BRAF: variants seen among roughly 807,000 people sequenced by gnomAD.
The protein encoded by BRAF is serine/threonine-protein kinase B-raf.
Under a neutral mutation model 104.6 loss-of-function variants are expected in BRAF, and 16 were observed. The observed-to-expected ratio is 0.15, with a 90% CI of 0.10 to 0.23. The LOEUF (loss-of-function observed/expected upper bound fraction) is 0.23, where lower values mean the gene tolerates loss of function less well. BRAF is among the 10% of genes least tolerant of loss of function. The pLI, the probability that BRAF is intolerant of heterozygous loss-of-function variation, is 1.00. For missense variants in BRAF, 541 were observed against 937.3 expected, an observed-to-expected ratio of 0.58 and a Z score of 5.52; for synonymous variants, 310 against 341.6, an observed-to-expected ratio of 0.91 and a Z score of 1.02.
chr7:140,839,327 A>G (rs930668668), intron 2 of BRAF, among the ~76,000 whole-genome samples: 1 of 152,174 alleles, frequency 6.6e-6, no homozygotes, highest in African/African-American at 2.4e-5. Flanking sequence ...AAACAAAACA[A>G]AATGGGTCAC....
chr7:140,761,047 A>C (rs1449047497), intron 14 of BRAF, among the ~76,000 whole-genome samples: 1 of 152,204 alleles, frequency 6.6e-6, no homozygotes, highest in African/African-American at 2.4e-5. Flanking sequence ...AACGCCACAA[A>C]GATACTCCTT....
intron 14 of BRAF, among the ~76,000 whole-genome samples, chr7:140,765,817 T>C (rs1004101517): frequency 2.6e-5 from 4 of 151,730 alleles, no homozygotes; most frequent in African/African-American, 4.9e-5. Flanking sequence ...CTGGAGAGGA[T>C]ATGGAGAAAT....
At chr7:140,905,588 G>A (rs1816212019) in intron 1 of BRAF, among the ~76,000 whole-genome samples, 1 of 151,984 alleles carries the variant, frequency 6.6e-6, no homozygotes, top group Non-Finnish European at 1.5e-5. Context: ...ACAATCTTTG[G>A]CTTTTAACTG....
chr7:140,787,473 A>C lies in BRAF; in HGVS notation c.1177+75T>G. On this transcript the variant is annotated intron_variant, in intron 9 of 19. Coordinates refer to ENST00000644969, the MANE Select transcript of BRAF (RefSeq NM_001374258.1). ...TCTGTGTCTGTTACTTGAAAGAGGC[A>C]AGTATAAAGGAAATAAGCAGCAAAG... 2.1e-6 allele frequency: 3 copies of C among 1,446,802 alleles called. No homozygotes were observed. The South Asian group carries it at 3.5e-5, about 17-fold the overall frequency. The allele number at this position is 1,446,802 out of a possible 1,614,324, so 89.6% of individuals were successfully genotyped here.
intron 1 of BRAF, among the ~76,000 whole-genome samples, chr7:140,872,333 TG>T (rs2129094384): frequency 6.6e-6 from 1 of 151,848 alleles, no homozygotes; most frequent in African/African-American, 2.4e-5. Flanking sequence ...CTAAAGTCCA[TG>T]GTACTTTAAC....
At chr7:140,860,721 G>A (rs938318971) in intron 1 of BRAF, among the ~76,000 whole-genome samples, 2 of 151,990 alleles carry the variant, frequency 1.3e-5, no homozygotes, top group Admixed American at 6.6e-5. Context: ...TACAAGAGTT[G>A]GTAATCATGT....
chr7:140,721,224 C>G lies in BRAF; in HGVS notation c.*5270G>C. 3 of 1,087,924 alleles carry G rather than the reference C, an allele frequency of 2.8e-6. No homozygotes were observed. The highest frequency in any genetic ancestry group is 3.4e-6 in the Non-Finnish European group (3 of 894,828). 67.4% of individuals were successfully genotyped at this position (1,087,924 alleles called of 1,614,324 possible). A position where few individuals can be genotyped will look rare whatever the true frequency, so the allele number is the denominator to read the frequency against. On this transcript the variant is annotated 3_prime_UTR_variant, in exon 20 of 20. Transcript: ENST00000644969. ...TGATTTAGTAATTAATAAAACTTAACAGTTGAAGTTGTGGATGTTAAATAA... is the reference window on the plus strand; with the variant it reads ...TGATTTAGTAATTAATAAAACTTAAGAGTTGAAGTTGTGGATGTTAAATAA...
At chr7:140,888,024 C>A (rs1000988807) in intron 1 of BRAF, among the ~76,000 whole-genome samples, 2 of 152,106 alleles carry the variant, frequency 1.3e-5, no homozygotes, top group Non-Finnish European at 2.9e-5. Flanking sequence ...AGGCACATGC[C>A]ACCATGCCTG....
chr7:140,733,411 T>C (rs1333277423), intron 19 of BRAF: 1 of 152,222 alleles, frequency 6.6e-6, no homozygotes, highest in Non-Finnish European at 1.5e-5. Flanking sequence ...GAAGCAGAGA[T>C]GGCCAAATCT....
chr7:140,776,887 A>T (rs2129018081), intron 14 of BRAF, 25 bp downstream of exon 13: 1 of 1,603,738 alleles, frequency 6.2e-7, no homozygotes, highest in Admixed American at 1.7e-5. Context: ...AATAATTTAC[A>T]AGACATTTAA....
In BRAF at chr7:140,749,129, C is replaced by T. The variant is rs71645990; in HGVS notation, c.2112+158G>A. On this transcript the variant is annotated intron_variant, in intron 17 of 19. Coordinates refer to ENST00000644969, the MANE Select transcript of BRAF (RefSeq NM_001374258.1). ...TCTGAGGAAAGGACTTAACGTGTTG[C>T]TATTACTGCCAAAAGTATACAAACG... The T allele has an allele frequency of 9.8e-4, 845 of 859,796 alleles. 8 individuals carry two copies. The African/African-American group carries it at 0.013, about 13-fold the overall frequency. The allele number at this position is 859,796 out of a possible 1,614,324, so 53.3% of individuals were successfully genotyped here. A position where few individuals can be genotyped will look rare whatever the true frequency, so the allele number is the denominator to read the frequency against.
intron 14 of BRAF, among the ~76,000 whole-genome samples, chr7:140,772,783 TAA>T (rs1394740119): frequency 6.6e-6 from 1 of 152,200 alleles, no homozygotes; most frequent in Non-Finnish European, 1.5e-5. Flanking sequence ...AAAATTTATC[TAA>T]GTGTCCCTTC....
At chr7:140,765,106 G>C (rs1013226828) in intron 14 of BRAF, among the ~76,000 whole-genome samples, 18 of 152,054 alleles carry the variant, frequency 1.2e-4, no homozygotes, top group Non-Finnish European at 2.2e-4. Context: ...CAGAGATATA[G>C]ATCAATGGAA....
intron 3 of BRAF, among the ~76,000 whole-genome samples, chr7:140,818,314 ATT>A (rs1327965535): frequency 8.4e-5 from 12 of 142,610 alleles, no homozygotes; most frequent in Non-Finnish European, 9.3e-5. Flanking sequence ...AAGTATTTTA[ATT>A]TTTTTTTTTT....
intron 1 of BRAF, among the ~76,000 whole-genome samples, chr7:140,892,993 C>T (rs905847057): frequency 1.3e-5 from 2 of 152,170 alleles, no homozygotes; most frequent in Non-Finnish European, 2.9e-5. Context: ...ATCAAATCAT[C>T]GAACAGGAAT....
At chr7:140,915,432 C>CTT (rs1014572413) in intron 1 of BRAF, among the ~76,000 whole-genome samples, 5 of 141,710 alleles carry the variant, frequency 3.5e-5, no homozygotes, top group Admixed American at 7.1e-5. Context: ...ATTAAAGTAT[C>CTT]TTTTTTTTTT....
At position 140,722,301 on chromosome 7, in the gene BRAF, G is replaced by T; in HGVS notation, c.*4193C>A. ...TGATTTTGGCTATAAACTCTTTAGT[G>T]CATTTACCTATGCAGTCTAAATTGC... On this transcript the variant is annotated 3_prime_UTR_variant, in exon 20 of 20. Transcript: ENST00000644969. 9.5e-7 allele frequency: 1 copy of T among 1,055,796 alleles called. No homozygotes were observed. The highest frequency in any genetic ancestry group is 1.1e-6 in the Non-Finnish European group (1 of 873,348). The allele number at this position is 1,055,796 out of a possible 1,614,324, so 65.4% of individuals were successfully genotyped here.
chr7:140,873,127 C>T (rs938710451), intron 1 of BRAF, among the ~76,000 whole-genome samples: 3 of 149,900 alleles, frequency 2.0e-5, no homozygotes, highest in Non-Finnish European at 4.4e-5. Context: ...TGGACTTCAG[C>T]TAAAGGCTGA....
At chr7:140,831,077 TGG>T (rs1056181837) in intron 3 of BRAF, among the ~76,000 whole-genome samples, 1 of 152,178 alleles carries the variant, frequency 6.6e-6, no homozygotes, top group Admixed American at 6.5e-5. Flanking sequence ...TCTTAACCTG[TGG>T]GGTCTATGCT....
Sources: allele counts gnomAD v4.1 joint callset (sites outside exome capture counted in the v4.1 genomes callset), GRCh38; gene constraint gnomAD v4.1.1; transcripts MANE v1.5; gene names NCBI Gene and HGNC (gene_info 2026-07-23, HGNC 2026-07-21).